The following MAD1L1 variants were observed in gnomAD, a reference collection of about 807,000 sequenced individuals.
MAD1L1 encodes the protein mitotic arrest deficient 1 like 1.
MAD1L1 carries 95 observed loss-of-function variants against 96.9 expected under a neutral mutation model. The ratio of observed to expected loss-of-function variants is 0.98; its 90% confidence interval spans 0.83 to 1.16. The LOEUF is 1.16. Among genes scored for constraint, MAD1L1 ranks in the 50% most tolerant of loss-of-function variants. The probability of loss-of-function intolerance (pLI) is 0.00; values close to 1 mark genes in which losing one functional copy is unlikely to be tolerated. For synonymous variants in MAD1L1, 473 were observed against 396.6 expected, an observed-to-expected ratio of 1.19 and a Z score of -2.29; for missense variants, 1,007 against 954.4, an observed-to-expected ratio of 1.06 and a Z score of -0.73.
intron 11 of MAD1L1, among the ~76,000 whole-genome samples, chr7:2,127,747 C>T (rs1584387786): frequency 6.6e-6 from 1 of 152,296 alleles, no homozygotes; most frequent in Admixed American, 6.5e-5. Context: ...GACCCCTGCA[C>T]TCCGGGAAAC....
At chr7:1,912,268 G>C (rs1273389933) in intron 17 of MAD1L1, among the ~76,000 whole-genome samples, 1 of 152,246 alleles carries the variant, frequency 6.6e-6, no homozygotes, top group Non-Finnish European at 1.5e-5. Flanking sequence ...CCATCTGAGA[G>C]ACAGACAGCA....
chr7:1,974,680 A>G, intron 15 of MAD1L1, among the ~76,000 whole-genome samples: 1 of 152,270 alleles, frequency 6.6e-6, no homozygotes, highest in Non-Finnish European at 1.5e-5. Flanking sequence ...TCCAAGTAAC[A>G]GTTTCAGAAA....
chr7:2,123,324 G>C (rs892625825), intron 11 of MAD1L1, among the ~76,000 whole-genome samples: 11 of 150,168 alleles, frequency 7.3e-5, no homozygotes, highest in Non-Finnish European at 1.0e-4. Flanking sequence ...AAAAAAAGCA[G>C]CAGGGGAGCT....
chr7:2,160,064 C>CA (rs61161514), intron 10 of MAD1L1, among the ~76,000 whole-genome samples: 44,932 of 150,818 alleles, frequency 0.3, 8,604 homozygotes, highest in East Asian at 0.73. Context: ...CCCGTCTCTG[C>CA]AAAAAAAATA....
intron 15 of MAD1L1, among the ~76,000 whole-genome samples, chr7:1,979,515 G>T (rs757201067): frequency 6.6e-6 from 1 of 152,248 alleles, no homozygotes; most frequent in African/African-American, 2.4e-5. Context: ...GCCAACACAG[G>T]CACCAAAGCG....
intron 15 of MAD1L1, among the ~76,000 whole-genome samples, chr7:1,972,750 G>C (rs1562573162): frequency 6.6e-6 from 1 of 151,998 alleles, no homozygotes. Context: ...TATTGAGATA[G>C]GAACATAAAT....
intron 18 of MAD1L1, 90 bp downstream of exon 18, chr7:1,898,110 C>G (rs1434013865): frequency 7.3e-7 from 1 of 1,368,982 alleles, no homozygotes; most frequent in African/African-American, 1.4e-5. Context: ...GGACGCGAGG[C>G]TGCTCCTTTG....
At chr7:2,219,567 A>G in intron 5 of MAD1L1, 111 bp from the exon 6 acceptor site, 2 of 1,165,040 alleles carry the variant, frequency 1.7e-6, no homozygotes, top group Non-Finnish European at 2.4e-6. Context: ...ACGTGCTATA[A>G]TCAGGGCAGG....
intron 12 of MAD1L1, among the ~76,000 whole-genome samples, chr7:2,058,125 C>A (rs1272666412): frequency 2.0e-5 from 1 of 50,068 alleles, no homozygotes; most frequent in African/African-American, 1.1e-4. Context: ...AGAGGAGAGG[C>A]GCGGGGCTGG....
chr7:1,868,419 G>A (rs1006263119), intron 18 of MAD1L1, among the ~76,000 whole-genome samples: 7 of 152,094 alleles, frequency 4.6e-5, no homozygotes, highest in South Asian at 2.1e-4. Context: ...CGCGCCTCCC[G>A]GGCTGCGTGC....
rs548519040 is a variant in MAD1L1 at position 2,143,782 on chromosome 7, C to T, written c.1073+5370G>A. On this transcript the variant is annotated intron_variant, in intron 11 of 18. Transcript: ENST00000265854. ...GTGGGATCTTCAAAACAAACTGCGG[C>T]GATCACAGCCCAGGCTGGAATGCAC... Among the ~76,000 whole-genome samples the T allele has an allele frequency of 4.6e-5, 7 of 152,076 alleles. No individual in the cohort carries two copies. The East Asian group carries it at 5.8e-4, about 13-fold the overall frequency.
chr7:2,193,275 G>C (rs11981150), intron 10 of MAD1L1: 14,459 of 152,794 alleles, frequency 0.095, 2,324 homozygotes, highest in African/African-American at 0.33. Context: ...AAGCAACCGG[G>C]GTGAGACAAG....
intron 15 of MAD1L1, among the ~76,000 whole-genome samples, chr7:1,979,653 G>C (rs190668389): frequency 6.6e-6 from 1 of 152,212 alleles, no homozygotes; most frequent in South Asian, 2.1e-4. Context: ...CTCTAGGGGC[G>C]CCGTGTGCAA....
intron 10 of MAD1L1, among the ~76,000 whole-genome samples, chr7:2,186,908 C>G (rs1447483848): frequency 6.6e-6 from 1 of 151,962 alleles, no homozygotes; most frequent in Non-Finnish European, 1.5e-5. Flanking sequence ...ATTCTCCTGC[C>G]TCAGCCTCCC....
In MAD1L1 at chr7:1,931,010, C is replaced by T. The variant is rs921554790; in HGVS notation, c.1807+5677G>A. On this transcript the variant is annotated intron_variant, in intron 17 of 18. Transcript: ENST00000265854. Reference sequence around the variant, plus strand: ...CTACCCACGGTCACAGGAGCGAGGGCGCGTCGTGGGGTCCACGTCAAGGGT... The same window carrying T: ...CTACCCACGGTCACAGGAGCGAGGGTGCGTCGTGGGGTCCACGTCAAGGGT... Among the ~76,000 whole-genome samples the T allele has an allele frequency of 9.7e-4, 146 of 151,226 alleles. 2 individuals are homozygous for T. The highest frequency in any genetic ancestry group is 7.1e-4 in the Non-Finnish European group (48 of 67,972).
chr7:2,016,397 G>A (rs1263194259), intron 12 of MAD1L1, among the ~76,000 whole-genome samples: 1 of 152,172 alleles, frequency 6.6e-6, no homozygotes, highest in Non-Finnish European at 1.5e-5. Flanking sequence ...CAGGCAGCCT[G>A]GGGAGCAAGA....
chr7:2,083,723 T>C (rs1785770394), intron 11 of MAD1L1, among the ~76,000 whole-genome samples: 1 of 152,248 alleles, frequency 6.6e-6, no homozygotes, highest in Non-Finnish European at 1.5e-5. Flanking sequence ...CAGCAGGCTG[T>C]GTACCAAGAA....
chr7:2,194,077 G>A (rs1022383608), intron 10 of MAD1L1, among the ~76,000 whole-genome samples: 3 of 149,682 alleles, frequency 2.0e-5, no homozygotes, highest in Non-Finnish European at 4.4e-5. Flanking sequence ...TCGAGTTGTT[G>A]GGACCATGGG....
intron 4 of MAD1L1, among the ~76,000 whole-genome samples, chr7:2,223,129 G>A (rs982833130): frequency 6.6e-6 from 1 of 152,212 alleles, no homozygotes; most frequent in Non-Finnish European, 1.5e-5. Context: ...AGCAAATCCT[G>A]TCTAATTACG....
Sources: gnomAD v4.1 joint callset for allele counts (sites outside exome capture counted in the v4.1 genomes callset) on GRCh38, gnomAD v4.1.1 for gene constraint, MANE v1.5 for transcripts, NCBI Gene and HGNC (gene_info 2026-07-23, HGNC 2026-07-21) for gene names.